Variants in LRP1 observed in about 807,000 individuals in gnomAD.
LRP1 encodes prolow-density lipoprotein receptor-related protein 1.
In LRP1, 51 loss-of-function variants were observed where a neutral mutation model predicts 541.5. That is an observed-to-expected ratio of 0.09 (90% CI 0.08 to 0.12). The LOEUF (loss-of-function observed/expected upper bound fraction) is 0.12. Ranked by LOEUF, LRP1 falls within the 10% of genes least tolerant of loss-of-function variation. The pLI is 1.00. For missense variants in LRP1, 3,878 were observed against 6,376.2 expected (o/e 0.61, Z 13.34); for synonymous variants, 2,219 against 2,470.8 (o/e 0.90, Z 3.02).
intron 46 of LRP1, 51 bp downstream of exon 46, chr12:57,193,355 C>T: frequency 1.3e-6 from 2 of 1,599,112 alleles, no homozygotes; most frequent in South Asian, 1.1e-5. Flanking sequence ...AGCCCAGGTC[C>T]TCCTCCCCCA....
chr12:57,204,412 C>T lies in LRP1; in HGVS notation c.10954C>T (p.Arg3652Trp), dbSNP rs1272985609. ...CTCTTGGCTCCCCCTGGCACCAGTG[C>T]GGACCTGCCCCCTGGACGAGTTCCA... is the stretch of plus-strand genomic sequence containing the variant. ...SDEEACGTGVRTCPLDEFQCN... is the reference protein window; with the variant it reads ...SDEEACGTGVWTCPLDEFQCN... The change falls in exon 71 of 89, where the codon CGG (arginine) becomes TGG (tryptophan). Residue 3652 changes from arginine to tryptophan, a missense_variant and splice_region_variant. Arg to Trp is a moderately radical substitution (Grantham distance 101, BLOSUM62 -3). This residue lies in a region of LRP1 where 278 missense variants were observed against 536.3 expected (regional missense o/e 0.52). Coordinates refer to ENST00000243077, the MANE Select transcript of LRP1 (RefSeq NM_002332.3). This position sits in a 1 kb window ranked among gnomAD's most constrained non-coding sequence, Gnocchi z 5.3. 3.9e-6 allele frequency: 6 copies of T among 1,540,246 alleles called. No individual in the cohort carries two copies. The highest frequency in any genetic ancestry group is 4.4e-6 in the Non-Finnish European group (5 of 1,141,656).
intron 6 of LRP1, among the ~76,000 whole-genome samples, chr12:57,151,948 G>A (rs1023672954): frequency 2.0e-5 from 3 of 152,158 alleles, no homozygotes; most frequent in African/African-American, 4.8e-5. Flanking sequence ...TACCAAAGGG[G>A]AGGCCAGGCA....
Position 57,203,167 on chromosome 12 carries a change from C to CG in LRP1, c.10712-14_10712-13insG. 6.4e-7 allele frequency: 1 copy of CG among 1,553,610 alleles called. No individual in the cohort carries two copies. Among genetic ancestry groups the CG allele is most frequent in the East Asian group, 2.3e-5 (1 of 42,660 alleles). On this transcript the variant is annotated splice_polypyrimidine_tract_variant and intron_variant, in intron 68 of 88. Transcript: ENST00000243077. ...GCCCACCCTCCTGGGCCTGTCTCCCCCTGTCCTTCCCAGCCCCTCGGCCCT... is the reference window on the plus strand; with the variant it reads ...GCCCACCCTCCTGGGCCTGTCTCCCCGCTGTCCTTCCCAGCCCCTCGGCCCT...
At position 57,165,580 on chromosome 12, in the gene LRP1, A is replaced by AATG. The variant is rs2136686650; in HGVS notation, c.2531-225_2531-224insATG. ...GGACACCATTTGATTCTCAGGTCAC[A>AATG]CTGAAGTACAGTAAGCATTAAGTAG... On this transcript the variant is annotated intron_variant, in intron 15 of 88. Transcript: ENST00000243077. The surrounding 1 kb of genome is among the most constrained non-coding windows in gnomAD (Gnocchi z 4.5). The AATG allele has an allele frequency of 1.9e-6, 1 of 529,718 alleles. No individual in the cohort carries two copies. The highest frequency in any genetic ancestry group is 3.2e-5 in the Admixed American group (1 of 31,240). 32.8% of individuals were successfully genotyped at this position (529,718 alleles called of 1,614,324 possible).
Position 57,210,781 on chromosome 12 carries a change from C to T in LRP1, c.12818C>T (p.Ala4273Val), listed in dbSNP as rs763058234. 9.5e-5 allele frequency: 153 copies of T among 1,613,516 alleles called. 1 individual carries two copies. The Middle Eastern group carries it at 1.2e-3, about 12-fold the overall frequency. The change falls in exon 83 of 89, where the codon GCG (alanine) becomes GTG (valine). Residue 4273 changes from alanine to valine, a missense_variant. Ala to Val is a moderately conservative substitution (Grantham distance 64). Transcript: ENST00000243077. ...TGPKCTQQVC[A>V]GYCANNSTCT... ...CCCAAATGCACCCAGCAGGTGTGTG[C>T]GGGCTACTGTGCCAACAACAGCACC...
Position 57,204,611 on chromosome 12 carries a change from C to T in LRP1, c.11072-16C>T. 1.2e-6 allele frequency: 2 copies of T among 1,613,556 alleles called. No homozygotes were observed. Among genetic ancestry groups the T allele is most frequent in the South Asian group, 1.1e-5 (1 of 91,064 alleles). ...CCAAGACTAATTCTGGCTCTGTGTC[C>T]CCCTGGCTGCTGCAGCCCGGTTCGT... On this transcript the variant is annotated splice_polypyrimidine_tract_variant and intron_variant, in intron 71 of 88. Coordinates refer to ENST00000243077, the MANE Select transcript of LRP1 (RefSeq NM_002332.3). The surrounding 1 kb of genome is among the most constrained non-coding windows in gnomAD (Gnocchi z 5.3).
chr12:57,152,603 T>C (rs185602500), intron 6 of LRP1, among the ~76,000 whole-genome samples: 2 of 152,276 alleles, frequency 1.3e-5, no homozygotes, highest in Non-Finnish European at 2.9e-5. Context: ...TACAGGGCCT[T>C]GGCCTCCTCA....
rs137909502 is a variant in LRP1, at chr12:57,167,041, C to T, written c.2909C>T (p.Ser970Leu). ...DCGDRSDESA[S>L]CAYPTCFPLT... is the part of the protein sequence containing the mutation. ...GGGGACCGCTCTGATGAGTCTGCTT[C>T]GTGTGGTAAGAGGGATGGGCAGAGG... The change falls in exon 18 of 89, where the codon TCG becomes TTG. Residue 970 changes from serine (S) to leucine (L), a missense_variant. Physicochemically the swap from Ser to Leu is moderately radical, Grantham distance 145 (BLOSUM62 -2). Around this residue, in one of 13 missense-constraint regions of LRP1, gnomAD observed 320 missense variants for 547.9 expected, o/e 0.58. Transcript: ENST00000243077. 1.5e-5 allele frequency: 24 copies of T among 1,613,128 alleles called. No homozygotes were observed. The East Asian group carries it at 3.1e-4, about 21-fold the overall frequency.
chr12:57,156,900 G>A lies in LRP1; in HGVS notation c.1541G>A (p.Ser514Asn). 1 of 1,584,704 alleles carries A rather than the reference G, an allele frequency of 6.3e-7. No homozygotes were observed. The highest frequency in any genetic ancestry group is 8.6e-7 in the Non-Finnish European group (1 of 1,165,704). ...TGCCGTTCCGGCTTCAGCCTGGGCA[G>A]TGACGGGAAGTCATGCAAGAGTGAG... ...CRCRSGFSLG[S>N]DGKSCKKPEH... The change falls in exon 10 of 89, where the codon AGT becomes AAT. Residue 514 changes from serine to asparagine, a missense_variant. By Grantham distance (46) the Ser-to-Asn change is conservative. Coordinates refer to ENST00000243077, the MANE Select transcript of LRP1 (RefSeq NM_002332.3). The surrounding 1 kb of genome is among the most constrained non-coding windows in gnomAD (Gnocchi z 5.2).
At position 57,178,864 on chromosome 12, in the gene LRP1, T is replaced by G. The variant is rs758919799; in HGVS notation, c.4607-26T>G. ...CAGCAAGTCACAGGATGCTCTGGCT[T>G]CTTCTCTTCTCCACCCTGCCCCCAG... On this transcript the variant is annotated intron_variant, in intron 27 of 88. Coordinates refer to ENST00000243077, the MANE Select transcript of LRP1 (RefSeq NM_002332.3). The surrounding 1 kb of genome is among the most constrained non-coding windows in gnomAD (Gnocchi z 5.8). The G allele has an allele frequency of 6.3e-7, 1 of 1,598,656 alleles. No homozygotes were observed. Among genetic ancestry groups the G allele is most frequent in the Non-Finnish European group, 8.5e-7 (1 of 1,174,886 alleles).
At chr12:57,155,194 G>C in intron 8 of LRP1, 1 of 238,168 alleles carries the variant, frequency 4.2e-6, no homozygotes, top group Non-Finnish European at 8.2e-6. Context: ...TGGTAAGCCA[G>C]CAAACCCTTA....
chr12:57,162,557 G>A lies in LRP1; in HGVS notation c.2404+39G>A. ...GCTGGGGGCAGCGTGGGACCTGGAA[G>A]GGGTGGTGGGACTTAGGCATTGATT... is the stretch of plus-strand genomic sequence containing the variant. On this transcript the variant is annotated intron_variant, in intron 14 of 88. Coordinates refer to ENST00000243077, the MANE Select transcript of LRP1 (RefSeq NM_002332.3). This position sits in a 1 kb window ranked among gnomAD's most constrained non-coding sequence, Gnocchi z 5.2. 6.2e-7 allele frequency: 1 copy of A among 1,608,022 alleles called. No homozygotes were observed. Among genetic ancestry groups the A allele is most frequent in the Non-Finnish European group, 8.5e-7 (1 of 1,176,694 alleles).
chr12:57,200,233 G>A (rs557746803), intron 62 of LRP1: 1 of 635,680 alleles, frequency 1.6e-6, no homozygotes, highest in East Asian at 2.7e-5. Context: ...CCCTAACCTT[G>A]ACCCTCCTTG....
Position 57,165,830 on chromosome 12 carries a change from C to G in LRP1, c.2556C>G (p.Pro852=). Residue 852 remains proline (P), a synonymous_variant, in exon 16 of 89, where the codon CCC becomes CCG. Transcript: ENST00000243077. The surrounding 1 kb of genome is among the most constrained non-coding windows in gnomAD (Gnocchi z 4.5). Reference sequence around the variant, plus strand: ...CGAACCCATCCTACGTGCCTCCACCCCAGTGCCAGCCAGGCGAGTTTGCCT... The same window carrying G: ...CGAACCCATCCTACGTGCCTCCACCGCAGTGCCAGCCAGGCGAGTTTGCCT... ...CLANPSYVPP[P]QCQPGEFACA... 5 of 1,614,272 alleles carry G rather than the reference C, an allele frequency of 3.1e-6. No homozygotes were observed. The highest frequency in any genetic ancestry group is 4.2e-6 in the Non-Finnish European group (5 of 1,180,050).
rs2136702608 is a variant in LRP1, at chr12:57,178,835, G to T, written c.4607-55G>T. 6.3e-7 allele frequency: 1 copy of T among 1,576,280 alleles called. No individual in the cohort carries two copies. Among genetic ancestry groups the T allele is most frequent in the Non-Finnish European group, 8.6e-7 (1 of 1,166,000 alleles). Reference sequence around the variant, plus strand: ...GGCGAGGAAGGGGTGGTCCATGTAGGGAGCAGCAAGTCACAGGATGCTCTG... The same window carrying T: ...GGCGAGGAAGGGGTGGTCCATGTAGTGAGCAGCAAGTCACAGGATGCTCTG... On this transcript the variant is annotated intron_variant, in intron 27 of 88. Transcript: ENST00000243077. This position sits in a 1 kb window ranked among gnomAD's most constrained non-coding sequence, Gnocchi z 5.8.
Position 57,205,727 on chromosome 12 carries a change from G to C in LRP1, c.11590+50G>C. ...AAGGCTGGGTGGGGCAGGGCGACCA[G>C]GATATCAAACGGGGCCGACTTGGAA... is the stretch of plus-strand genomic sequence containing the variant. On this transcript the variant is annotated intron_variant, in intron 75 of 88. Coordinates refer to ENST00000243077, the MANE Select transcript of LRP1 (RefSeq NM_002332.3). This position sits in a 1 kb window ranked among gnomAD's most constrained non-coding sequence, Gnocchi z 4.6. 1 of 1,596,528 alleles carries C rather than the reference G, an allele frequency of 6.3e-7. No homozygotes were observed. Among genetic ancestry groups the C allele is most frequent in the Middle Eastern group, 1.7e-4 (1 of 6,034 alleles).
chr12:57,204,814 C>T lies in LRP1; in HGVS notation c.11194+65C>T. 1 of 1,596,506 alleles carries T rather than the reference C, an allele frequency of 6.3e-7. No individual in the cohort carries two copies. The highest frequency in any genetic ancestry group is 8.6e-7 in the Non-Finnish European group (1 of 1,167,358). The stretch of plus-strand genomic sequence containing the variant: ...AGTGCACAGTGGGGTGAGTCTGGTC[C>T]TCGTGGGAGCTGCACTGGGGTTAGG... On this transcript the variant is annotated intron_variant, in intron 72 of 88. Transcript: ENST00000243077. The surrounding 1 kb of genome is among the most constrained non-coding windows in gnomAD (Gnocchi z 5.3).
At chr12:57,155,946 G>A (rs1251942221) in intron 8 of LRP1, 148 bp from the exon 9 acceptor site, 16 of 645,548 alleles carry the variant, frequency 2.5e-5, no homozygotes, top group East Asian at 1.4e-4. Context: ...GTGAGGTCCC[G>A]TCTCAAAATA....
rs1215832633 is a variant in LRP1, at chr12:57,173,401, G to C, written c.3346+51G>C. ...TGGAACAGCACAATGTGGGCAGGAG[G>C]AGACCGTGTTGAGAGCAGAGTAGCG... On this transcript the variant is annotated intron_variant, in intron 21 of 88. Transcript: ENST00000243077. The surrounding 1 kb of genome is among the most constrained non-coding windows in gnomAD (Gnocchi z 4.7). 6 of 1,574,642 alleles carry C rather than the reference G, an allele frequency of 3.8e-6. No homozygotes were observed. Among genetic ancestry groups the C allele is most frequent in the Non-Finnish European group, 5.2e-6 (6 of 1,152,668 alleles).
Sources: allele counts gnomAD v4.1 joint callset (sites outside exome capture counted in the v4.1 genomes callset), GRCh38; gene constraint gnomAD v4.1.1; regional missense constraint gnomAD v4.1.1; non-coding constraint Gnocchi (gnomAD v3.1); transcripts MANE v1.5; gene names NCBI Gene and HGNC (gene_info 2026-07-23, HGNC 2026-07-21).